The following EFL1 variants were observed in gnomAD, a reference collection of about 807,000 sequenced individuals.
EFL1 encodes the protein elongation factor-like GTPase 1.
Under a neutral mutation model 126.7 loss-of-function variants are expected in EFL1, and 76 were observed. The observed-to-expected ratio is 0.60, with a 90% confidence interval of 0.50 to 0.73. The LOEUF is 0.73. EFL1 is among the 30% of genes least tolerant of loss of function. EFL1 has a pLI of 0.00. For synonymous variants in EFL1, 410 were observed against 448.4 expected (o/e 0.91, Z 1.08); for missense variants, 1,128 against 1,343.2 (o/e 0.84, Z 2.50).
At chr15:82,211,416 C>A (rs2074583632) in intron 15 of EFL1, among the ~76,000 whole-genome samples, 1 of 151,576 alleles carries the variant, frequency 6.6e-6, no homozygotes, top group Non-Finnish European at 1.5e-5. Context: ...GTCTCAGCTA[C>A]TCAGGAGGCT....
chr15:82,236,054 A>T (rs1401148075), intron 7 of EFL1, among the ~76,000 whole-genome samples: 2 of 152,192 alleles, frequency 1.3e-5, no homozygotes, highest in Non-Finnish European at 2.9e-5. Flanking sequence ...CACCAAAATT[A>T]AAAATATCAT....
At chr15:82,241,462 CA>C (rs1387101576) in intron 4 of EFL1, 59 bp from the exon 5 acceptor site, 20 of 1,555,538 alleles carry the variant, frequency 1.3e-5, no homozygotes, top group Non-Finnish European at 1.5e-5. Flanking sequence ...TGTTCTTCCT[CA>C]GGCGTTCTAG....
chr15:82,135,864 C>T (rs1595934081), intron 19 of EFL1, among the ~76,000 whole-genome samples: 1 of 152,118 alleles, frequency 6.6e-6, no homozygotes, highest in African/African-American at 2.4e-5. Context: ...GGAGGTAGAA[C>T]GGCCACTTTG....
chr15:82,199,239 CTAGAT>C (rs1231706653), intron 15 of EFL1, among the ~76,000 whole-genome samples: 1 of 152,070 alleles, frequency 6.6e-6, no homozygotes, highest in African/African-American at 2.4e-5. Context: ...AAAAATGGAA[CTAGAT>C]TAAAGGCCAC....
At chr15:82,246,592 A>G (rs1054440424) in intron 4 of EFL1, among the ~76,000 whole-genome samples, 14 of 152,130 alleles carry the variant, frequency 9.2e-5, no homozygotes, top group Non-Finnish European at 2.1e-4. Context: ...AAGACAAGAA[A>G]GACTTGAGCA....
At chr15:82,226,636 T>A (rs2074766986) in intron 11 of EFL1, among the ~76,000 whole-genome samples, 1 of 152,208 alleles carries the variant, frequency 6.6e-6, no homozygotes, top group Non-Finnish European at 1.5e-5. Context: ...CAACACAGTG[T>A]AGAGGGAGTT....
intron 15 of EFL1, among the ~76,000 whole-genome samples, chr15:82,169,720 T>G (rs548334438): frequency 6.6e-6 from 1 of 152,202 alleles, no homozygotes; most frequent in African/African-American, 2.4e-5. Context: ...CCATTTGGCG[T>G]CTAAGTTTCA....
chr15:82,229,242 GA>G (rs1253921514), intron 8 of EFL1, 132 bp from the exon 9 acceptor site: 1 of 712,356 alleles, frequency 1.4e-6, no homozygotes, highest in African/African-American at 1.8e-5. Flanking sequence ...TAAAGTAGAT[GA>G]AAGTAGTTAT....
rs533503062 is a variant in EFL1, at chr15:82,135,887, G to A, written c.3174+2771C>T. Among the ~76,000 whole-genome samples, 324 of 152,324 alleles carry A rather than the reference G, an allele frequency of 2.1e-3. 1 individual carries two copies. The highest frequency in any genetic ancestry group is 4.2e-3 in the Non-Finnish European group (284 of 68,034). ...AACGGCCACTTTGGACAATCAGTGG[G>A]AGCTAAGTGTTGAGAAAGGCAGCAA... On this transcript the variant is annotated intron_variant, in intron 19 of 19. Transcript: ENST00000268206.
chr15:82,194,383 T>C (rs1234578800), intron 15 of EFL1, among the ~76,000 whole-genome samples: 4 of 152,212 alleles, frequency 2.6e-5, no homozygotes, highest in Non-Finnish European at 5.9e-5. Context: ...GAACTTGTAA[T>C]GTCTAAGTCT....
intron 19 of EFL1, among the ~76,000 whole-genome samples, chr15:82,132,379 G>A (rs746810997): frequency 2.6e-5 from 4 of 152,076 alleles, no homozygotes; most frequent in Non-Finnish European, 5.9e-5. Flanking sequence ...GAGCCTACAC[G>A]TCTTTATCTA....
intron 15 of EFL1, among the ~76,000 whole-genome samples, chr15:82,182,218 C>T (rs1248848034): frequency 6.6e-6 from 1 of 152,204 alleles, no homozygotes; most frequent in Non-Finnish European, 1.5e-5. Context: ...GATCATGCCA[C>T]TGCACTCTCC....
intron 3 of EFL1, among the ~76,000 whole-genome samples, chr15:82,257,606 A>G (rs917714694): frequency 5.9e-5 from 9 of 152,218 alleles, no homozygotes; most frequent in African/African-American, 9.6e-5. Flanking sequence ...GAGCACCTTT[A>G]AGTTTACAGA....
In EFL1 at chr15:82,189,879, G is replaced by A. The variant is rs144433380; in HGVS notation, c.1750+24838C>T. On this transcript the variant is annotated intron_variant, in intron 15 of 19. Coordinates refer to ENST00000268206, the MANE Select transcript of EFL1 (RefSeq NM_024580.6). ...GCCTGTAATCCCAGCACTTTGGTAG[G>A]CTGAGGTGGGCAGATCACCTGTGGT... is the stretch of plus-strand genomic sequence containing the variant. Among the ~76,000 whole-genome samples the A allele has an allele frequency of 5.4e-3, 822 of 152,126 alleles. 4 individuals are homozygous for A. The highest frequency in any genetic ancestry group is 0.014 in the South Asian group (67 of 4,818).
chr15:82,138,547 C>A, intron 19 of EFL1, 111 bp downstream of exon 19: 1 of 1,293,274 alleles, frequency 7.7e-7, no homozygotes, highest in Admixed American at 2.3e-5. Context: ...TGAGTTGAGC[C>A]ATAGGAAGGC....
At chr15:82,260,384 T>C (rs2075102901) in intron 2 of EFL1, among the ~76,000 whole-genome samples, 1 of 152,214 alleles carries the variant, frequency 6.6e-6, no homozygotes, top group South Asian at 2.1e-4. Flanking sequence ...CTATCTGTCT[T>C]TCTGTCAGTT....
At chr15:82,135,309 T>A (rs555116054) in intron 19 of EFL1, among the ~76,000 whole-genome samples, 71 of 152,294 alleles carry the variant, frequency 4.7e-4, no homozygotes, top group South Asian at 1.2e-3. Context: ...ATTTTCTTTT[T>A]AAATTTCTGA....
chr15:82,134,971 G>A (rs2073705171), intron 19 of EFL1, among the ~76,000 whole-genome samples: 1 of 152,150 alleles, frequency 6.6e-6, no homozygotes. Context: ...AAGTGCCTTG[G>A]AGTGAGAAGC....
intron 4 of EFL1, among the ~76,000 whole-genome samples, chr15:82,243,753 T>C (rs77645501): frequency 0.46 from 67,147 of 146,570 alleles, 15,914 homozygotes; most frequent in African/African-American, 0.51. Flanking sequence ...ACCTATCTAC[T>C]TATCTATGCT....
Sources: gnomAD v4.1 joint callset for allele counts (sites outside exome capture counted in the v4.1 genomes callset) on GRCh38, gnomAD v4.1.1 for gene constraint, MANE v1.5 for transcripts, NCBI Gene and HGNC (gene_info 2026-07-23, HGNC 2026-07-21) for gene names.